The following RBFOX1 variants were observed in gnomAD, a reference collection of about 807,000 sequenced individuals.
RBFOX1 encodes the protein RNA binding fox-1 homolog 1.
In RBFOX1, 8 loss-of-function variants were observed where a neutral mutation model predicts 57.7. The ratio of observed to expected loss-of-function variants is 0.14; its 90% CI spans 0.08 to 0.25. RBFOX1 has a LOEUF of 0.25. Among genes scored for constraint, RBFOX1 ranks in the 10% least tolerant of loss-of-function variants. The pLI is 1.00. For missense variants in RBFOX1, 611 were observed against 548.5 expected, an observed-to-expected ratio of 1.11 and a Z score of -1.14; for synonymous variants, 326 against 222.4, an observed-to-expected ratio of 1.47 and a Z score of -4.15.
upstream of RBFOX1, chr16:6,018,991 G>A (rs2095019588): frequency 1.3e-6 from 1 of 748,076 alleles, no homozygotes; most frequent in African/African-American, 1.9e-5. Flanking sequence ...GCGCTGGCGA[G>A]GGGAAGGGGG....
At chr16:6,040,769 T>A (rs2152414778) in intron 1 of RBFOX1, among the ~76,000 whole-genome samples, 1 of 152,168 alleles carries the variant, frequency 6.6e-6, no homozygotes, top group East Asian at 1.9e-4. Context: ...AAATTTTTTG[T>A]ATTTTCAGTA....
intron 4 of RBFOX1, among the ~76,000 whole-genome samples, chr16:7,197,669 C>T (rs1335366445): frequency 6.6e-6 from 1 of 152,088 alleles, no homozygotes; most frequent in Non-Finnish European, 1.5e-5. Context: ...AAGGTGGAAA[C>T]AACTCAACTG....
At chr16:6,173,964 G>T (rs993662147) in intron 1 of RBFOX1, among the ~76,000 whole-genome samples, 4 of 152,026 alleles carry the variant, frequency 2.6e-5, no homozygotes, top group African/African-American at 9.7e-5. Context: ...AAGTTACAGA[G>T]TCCTTCACAG....
chr16:7,518,342 C>G lies in RBFOX1; in HGVS notation c.223C>G (p.Gln75Glu), dbSNP rs770535173. The G allele has an allele frequency of 1.4e-5, 22 of 1,613,584 alleles. No individual in the cohort carries two copies. Among genetic ancestry groups the G allele is most frequent in the Non-Finnish European group, 1.6e-5 (19 of 1,179,804 alleles). Residue 75 changes from glutamine (Q) to glutamate (E), a missense_variant, in exon 5 of 16, where the codon CAG (glutamine) becomes GAG (glutamate). Physicochemically the swap from Gln to Glu is conservative, Grantham distance 29. This residue lies in a region of RBFOX1 where 245 missense variants were observed against 159.1 expected (regional missense o/e 1.54). Transcript: ENST00000550418. ...CCCTCCCGCCCAGACGCACTCCGAG[C>G]AGAGCCCGGCGGACACGAGCGCTCA... ...LYPPAQTHSE[Q>E]SPADTSAQTV...
At chr16:5,649,399 A>G (rs1217110132) in intron 3 of RBFOX1, among the ~76,000 whole-genome samples, 3 of 152,030 alleles carry the variant, frequency 2.0e-5, no homozygotes, top group African/African-American at 7.2e-5. Context: ...TGAACTCCTG[A>G]CCTCAGGTGA....
chr16:7,249,835 C>T (rs2094443076), intron 4 of RBFOX1, among the ~76,000 whole-genome samples: 1 of 152,146 alleles, frequency 6.6e-6, no homozygotes, highest in Admixed American at 6.6e-5. Flanking sequence ...AGTGGAAATA[C>T]TTGAATAAAG....
chr16:7,356,243 G>A lies in RBFOX1; in HGVS notation c.28-161904G>A, dbSNP rs368193955. On this transcript the variant is annotated intron_variant, in intron 4 of 15. Transcript: ENST00000550418. The stretch of plus-strand genomic sequence containing the variant: ...TAGTGAGTCAAGACCCCTGTTTTAC[G>A]GGACTTAGATTCTAATGGGCAGGAT... 3.9e-5 allele frequency among the ~76,000 whole-genome samples: 6 copies of A among 152,158 alleles called. No individual in the cohort carries two copies. In the East Asian group the frequency reaches 9.6e-4, roughly 24 times the overall value.
chr16:7,504,757 A>T (rs1025767508), intron 4 of RBFOX1, among the ~76,000 whole-genome samples: 13 of 9,384 alleles, frequency 1.4e-3, no homozygotes, highest in Non-Finnish European at 2.6e-3. Flanking sequence ...ATATATATTT[A>T]TATATATATA....
chr16:6,047,908 G>A (rs1425626908), intron 1 of RBFOX1, among the ~76,000 whole-genome samples: 2 of 152,186 alleles, frequency 1.3e-5, no homozygotes, highest in African/African-American at 4.8e-5. Context: ...AGACCGTAAA[G>A]CTTGGACTCT....
At chr16:7,242,684 C>T (rs1357717010) in intron 4 of RBFOX1, among the ~76,000 whole-genome samples, 1 of 152,188 alleles carries the variant, frequency 6.6e-6, no homozygotes, top group African/African-American at 2.4e-5. Context: ...GATTTGCATC[C>T]ATGTGACTTG....
At chr16:5,614,950 G>A (rs2047967283) in intron 3 of RBFOX1, among the ~76,000 whole-genome samples, 1 of 152,194 alleles carries the variant, frequency 6.6e-6, no homozygotes, top group African/African-American at 2.4e-5. Context: ...ACTTGGAAGA[G>A]AAGAGTGATG....
chr16:6,961,152 G>GACACAC (rs1158074540), intron 3 of RBFOX1, among the ~76,000 whole-genome samples: 1 of 147,908 alleles, frequency 6.8e-6, no homozygotes, highest in Admixed American at 6.7e-5. Context: ...CACCCACACA[G>GACACAC]ACACACACAC....
chr16:6,646,345 T>G (rs2345610), intron 2 of RBFOX1, among the ~76,000 whole-genome samples: 1 of 152,000 alleles, frequency 6.6e-6, no homozygotes, highest in South Asian at 2.1e-4. Flanking sequence ...GATGACAAAC[T>G]AACAATATCA....
chr16:7,115,571 TAGC>T (rs1404574661), intron 4 of RBFOX1, among the ~76,000 whole-genome samples: 4 of 152,212 alleles, frequency 2.6e-5, no homozygotes, highest in Non-Finnish European at 1.5e-5. Flanking sequence ...ACCTGGCTGT[TAGC>T]AGGCTGGAAG....
chr16:7,283,554 AC>A (rs1568026442), intron 4 of RBFOX1, among the ~76,000 whole-genome samples: 1 of 151,934 alleles, frequency 6.6e-6, no homozygotes, highest in Non-Finnish European at 1.5e-5. Flanking sequence ...CCAGGGAAAC[AC>A]CCTTGACATT....
At chr16:6,762,614 C>T (rs987278175) in intron 3 of RBFOX1, among the ~76,000 whole-genome samples, 1 of 152,094 alleles carries the variant, frequency 6.6e-6, no homozygotes, top group East Asian at 1.9e-4. Flanking sequence ...AAAGGAACAG[C>T]AAAAGTCATT....
At chr16:5,605,033 C>G (rs553345430), downstream of RBFOX1, among the ~76,000 whole-genome samples, 2 of 152,308 alleles carry the variant, frequency 1.3e-5, no homozygotes, top group South Asian at 4.1e-4. Flanking sequence ...GCACACACAC[C>G]CACTCACCCG....
chr16:7,515,147 T>C (rs1317355840), intron 4 of RBFOX1, among the ~76,000 whole-genome samples: 10 of 152,224 alleles, frequency 6.6e-5, no homozygotes, highest in Admixed American at 2.0e-4. Flanking sequence ...TTTCTGGGGC[T>C]TTTCATCACC....
chr16:6,430,673 G>C (rs941044034), intron 2 of RBFOX1, among the ~76,000 whole-genome samples: 8 of 152,090 alleles, frequency 5.3e-5, no homozygotes, highest in Non-Finnish European at 8.8e-5. Context: ...TGGTCACATA[G>C]GCTTTGAATG....
Sources: allele counts gnomAD v4.1 joint callset (sites outside exome capture counted in the v4.1 genomes callset), GRCh38; gene constraint gnomAD v4.1.1; regional missense constraint gnomAD v4.1.1; transcripts MANE v1.5; gene names NCBI Gene and HGNC (gene_info 2026-07-23, HGNC 2026-07-21).